The following SLC9A9 variants were observed in gnomAD, a reference collection of about 807,000 sequenced individuals.
SLC9A9 encodes solute carrier family 9 member A9.
Under a neutral mutation model 77.8 loss-of-function variants are expected in SLC9A9, and 62 were observed. The observed-to-expected ratio is 0.80, with a 90% confidence interval of 0.65 to 0.98. The LOEUF is 0.98. SLC9A9 is among the 50% of genes least tolerant of loss of function. The pLI is 0.00. For missense variants in SLC9A9, 775 were observed against 774.9 expected (o/e 1.00, Z 0.00); for synonymous variants, 320 against 283.5 (o/e 1.13, Z -1.29).
At chr3:143,758,351 A>C (rs927980831) in intron 4 of SLC9A9, among the ~76,000 whole-genome samples, 2 of 152,192 alleles carry the variant, frequency 1.3e-5, no homozygotes, top group Non-Finnish European at 2.9e-5. Flanking sequence ...GAATGATCAC[A>C]TGTTATAATA....
At chr3:143,375,125 A>T (rs2033153292) in intron 13 of SLC9A9, among the ~76,000 whole-genome samples, 1 of 152,252 alleles carries the variant, frequency 6.6e-6, no homozygotes, top group Admixed American at 6.5e-5. Context: ...CAGTTGCAAG[A>T]ATACACATTC....
intron 11 of SLC9A9, among the ~76,000 whole-genome samples, chr3:143,486,811 A>G (rs1488781568): frequency 2.2e-4 from 33 of 152,114 alleles, no homozygotes; most frequent in Non-Finnish European, 2.7e-4. Context: ...AAAGGAATTT[A>G]AACATTTCAC....
chr3:143,561,426 T>C (rs1016405095), intron 8 of SLC9A9, among the ~76,000 whole-genome samples: 4 of 152,116 alleles, frequency 2.6e-5, no homozygotes, highest in African/African-American at 9.7e-5. Context: ...AGACCCAATG[T>C]AAGCAGAAAA....
At chr3:143,803,656 C>T (rs1413360144) in intron 2 of SLC9A9, among the ~76,000 whole-genome samples, 4 of 152,116 alleles carry the variant, frequency 2.6e-5, no homozygotes, top group Non-Finnish European at 4.4e-5. Flanking sequence ...TTCTCATTCC[C>T]ATCCTTATGC....
intron 4 of SLC9A9, among the ~76,000 whole-genome samples, chr3:143,704,457 A>T (rs187139307): frequency 6.6e-6 from 1 of 152,328 alleles, no homozygotes; most frequent in Non-Finnish European, 1.5e-5. Flanking sequence ...TGAACAGAAT[A>T]AAGAACAAAA....
intron 14 of SLC9A9, among the ~76,000 whole-genome samples, chr3:143,333,750 T>G (rs1241705284): frequency 6.6e-6 from 1 of 152,274 alleles, no homozygotes; most frequent in Non-Finnish European, 1.5e-5. Flanking sequence ...TGAAACAAAG[T>G]AAGAGATGCT....
At chr3:143,600,773 T>G (rs1192245866) in intron 6 of SLC9A9, among the ~76,000 whole-genome samples, 2 of 152,222 alleles carry the variant, frequency 1.3e-5, no homozygotes, top group Non-Finnish European at 2.9e-5. Context: ...TATAGACTGT[T>G]AAATTAACCA....
chr3:143,708,779 C>T (rs1490935274), intron 4 of SLC9A9, among the ~76,000 whole-genome samples: 2 of 152,298 alleles, frequency 1.3e-5, no homozygotes, highest in South Asian at 4.1e-4. Context: ...TACCCATTAC[C>T]CAGTCCTGCT....
At chr3:143,384,530 A>G (rs1310407010) in intron 12 of SLC9A9, among the ~76,000 whole-genome samples, 2 of 152,180 alleles carry the variant, frequency 1.3e-5, no homozygotes, top group African/African-American at 2.4e-5. Flanking sequence ...GAAGCCCAAC[A>G]TTTAACGTTT....
chr3:143,307,619 G>C (rs148182945), intron 14 of SLC9A9, among the ~76,000 whole-genome samples: 2 of 152,184 alleles, frequency 1.3e-5, no homozygotes, highest in Admixed American at 1.3e-4. Flanking sequence ...GCCTGGCTTC[G>C]GTCTCTGAAT....
intron 14 of SLC9A9, among the ~76,000 whole-genome samples, chr3:143,350,769 A>T (rs1289565306): frequency 6.6e-6 from 1 of 152,170 alleles, no homozygotes; most frequent in Non-Finnish European, 1.5e-5. Flanking sequence ...TCCATAGCTG[A>T]GGGGCTGAGG....
At chr3:143,405,138 T>C (rs1451636662) in intron 12 of SLC9A9, among the ~76,000 whole-genome samples, 1 of 152,216 alleles carries the variant, frequency 6.6e-6, no homozygotes, top group Non-Finnish European at 1.5e-5. Flanking sequence ...TTTGTCTGTC[T>C]TTTTCCCTGT....
At chr3:143,679,602 A>G (rs577945070) in intron 5 of SLC9A9, among the ~76,000 whole-genome samples, 1 of 152,200 alleles carries the variant, frequency 6.6e-6, no homozygotes, top group African/African-American at 2.4e-5. Flanking sequence ...TCCACAGTTA[A>G]TGTGTTCTGA....
At chr3:143,282,329 T>C (rs964223234) in intron 14 of SLC9A9, among the ~76,000 whole-genome samples, 3 of 152,244 alleles carry the variant, frequency 2.0e-5, no homozygotes, top group African/African-American at 4.8e-5. Flanking sequence ...TTCTAGACTA[T>C]TGAGTTTCCA....
At chr3:143,366,503 G>A (rs868702) in intron 13 of SLC9A9, among the ~76,000 whole-genome samples, 68,906 of 151,982 alleles carry the variant, frequency 0.45, 16,521 homozygotes, top group African/African-American at 0.62. Context: ...AATAGACTAC[G>A]TAACTTCATT....
chr3:143,271,973 T>C (rs1015749275), intron 14 of SLC9A9, among the ~76,000 whole-genome samples: 5 of 151,910 alleles, frequency 3.3e-5, no homozygotes, highest in African/African-American at 1.2e-4. Flanking sequence ...TATTCAGGGG[T>C]GTATGAGAGA....
chr3:143,461,252 C>T (rs977149632), intron 12 of SLC9A9, among the ~76,000 whole-genome samples: 14 of 151,974 alleles, frequency 9.2e-5, no homozygotes, highest in African/African-American at 3.4e-4. Flanking sequence ...TTCTTTAAGG[C>T]GTTTATCATT....
chr3:143,638,883 A>G (rs1297496642), intron 6 of SLC9A9, among the ~76,000 whole-genome samples: 1 of 152,238 alleles, frequency 6.6e-6, no homozygotes, highest in Non-Finnish European at 1.5e-5. Context: ...TAAATTCATT[A>G]CAAAGCTCAA....
At chr3:143,503,674 C>A in intron 9 of SLC9A9, 1 of 416,898 alleles carries the variant, frequency 2.4e-6, no homozygotes, top group South Asian at 1.8e-5. Context: ...CTGGAGAGTC[C>A]TGCAGCCATC....
Sources: gnomAD v4.1 joint callset for allele counts (sites outside exome capture counted in the v4.1 genomes callset) on GRCh38, gnomAD v4.1.1 for gene constraint, MANE v1.5 for transcripts, NCBI Gene and HGNC (gene_info 2026-07-23, HGNC 2026-07-21) for gene names.